CDH1: variants seen among roughly 807,000 people sequenced by gnomAD.
CDH1 encodes cadherin-1.
CDH1 carries 35 observed loss-of-function variants against 84.5 expected under a neutral mutation model. That is an observed-to-expected ratio of 0.41 (90% confidence interval 0.32 to 0.55). The LOEUF (loss-of-function observed/expected upper bound fraction) is 0.55, where lower values mean the gene tolerates loss of function less well. Among genes scored for constraint, CDH1 ranks in the 20% least tolerant of loss-of-function variants. The pLI is 0.19. For synonymous variants in CDH1, 417 were observed against 439.0 expected (o/e 0.95, Z 0.63); for missense variants, 994 against 1,126.6 (o/e 0.88, Z 1.68).
chr16:68,770,848 G>T (rs1397012925), intron 2 of CDH1: 2 of 152,144 alleles, frequency 1.3e-5, no homozygotes, highest in East Asian at 2.0e-4. Flanking sequence ...GAGATAAGCT[G>T]GGAGGGGAAG....
chr16:68,766,738 C>CTT (rs11426768), intron 2 of CDH1, among the ~76,000 whole-genome samples: 24 of 150,412 alleles, frequency 1.6e-4, no homozygotes, highest in African/African-American at 2.9e-4. Context: ...CTAGAACCCC[C>CTT]TTTTTTTTTG....
At chr16:68,737,683 C>G (rs1020996593) in intron 1 of CDH1, among the ~76,000 whole-genome samples, 26 of 152,150 alleles carry the variant, frequency 1.7e-4, no homozygotes, top group Non-Finnish European at 3.7e-4. Context: ...CCTGCCCCCT[C>G]CAGCGCAGAC....
chr16:68,829,878 CT>C, intron 15 of CDH1, 81 bp downstream of exon 15: 1 of 1,386,538 alleles, frequency 7.2e-7, no homozygotes, highest in Non-Finnish European at 1.0e-6. Flanking sequence ...GAAAAAGAGT[CT>C]TTAGATTCTT....
intron 1 of CDH1, 124 bp downstream of exon 1, chr16:68,737,587 G>A: frequency 3.3e-6 from 3 of 903,752 alleles, no homozygotes; most frequent in South Asian, 3.0e-5. Context: ...GGGTCCTGAG[G>A]AGCGGAGCGG....
chr16:68,741,899 G>C (rs993265750), intron 2 of CDH1, among the ~76,000 whole-genome samples: 3 of 152,180 alleles, frequency 2.0e-5, no homozygotes, highest in African/African-American at 7.2e-5. Context: ...TCAAACTCCT[G>C]ACCTCAGGTG....
rs557788826 is a variant in CDH1 at position 68,756,283 on chromosome 16, T to C, written c.163+17872T>C. ...GAAAAAGGGAACAAGATGACCAACT[T>C]GTTGGTGGGGAGAGTTGTGGCTTTC... On this transcript the variant is annotated intron_variant, in intron 2 of 15. Coordinates refer to ENST00000261769, the MANE Select transcript of CDH1 (RefSeq NM_004360.5). Among the ~76,000 whole-genome samples the C allele has an allele frequency of 3.9e-5, 6 of 152,110 alleles. 1 individual carries two copies. Among genetic ancestry groups the C allele is most frequent in the African/African-American group, 1.2e-4 (5 of 41,498 alleles).
chr16:68,809,295 G>A (rs946943576), intron 5 of CDH1, among the ~76,000 whole-genome samples: 1 of 147,630 alleles, frequency 6.8e-6, no homozygotes, highest in African/African-American at 2.6e-5. Flanking sequence ...TCCACTTCCC[G>A]GGTTCAAGTG....
intron 2 of CDH1, among the ~76,000 whole-genome samples, chr16:68,797,663 G>A (rs1263486629): frequency 6.6e-6 from 1 of 152,222 alleles, no homozygotes; most frequent in Non-Finnish European, 1.5e-5. Flanking sequence ...CTAGGTGACA[G>A]AGACCTGTCT....
At chr16:68,797,035 TG>T (rs1960381130) in intron 2 of CDH1, among the ~76,000 whole-genome samples, 1 of 152,152 alleles carries the variant, frequency 6.6e-6, no homozygotes, top group African/African-American at 2.4e-5. Flanking sequence ...TAGCTGGGTG[TG>T]GCAGCACATG....
At chr16:68,771,613 G>T (rs988155179) in intron 2 of CDH1, among the ~76,000 whole-genome samples, 1 of 152,028 alleles carries the variant, frequency 6.6e-6, no homozygotes, top group East Asian at 1.9e-4. Context: ...TTAGCTGGGC[G>T]TGGTGGCGCA....
chr16:68,775,125 CAAAA>C (rs58497601), intron 2 of CDH1, among the ~76,000 whole-genome samples: 3 of 108,148 alleles, frequency 2.8e-5, no homozygotes, highest in Non-Finnish European at 4.1e-5. Context: ...GGCCCTGTCT[CAAAA>C]AAAAAAAAAA....
chr16:68,803,988 G>A (rs550351607), intron 3 of CDH1, among the ~76,000 whole-genome samples: 35 of 151,886 alleles, frequency 2.3e-4, no homozygotes, highest in East Asian at 1.7e-3. Flanking sequence ...CCCAGATGGC[G>A]GCTGGAGCTC....
chr16:68,747,023 G>C (rs1962762799), intron 2 of CDH1, among the ~76,000 whole-genome samples: 1 of 152,112 alleles, frequency 6.6e-6, no homozygotes, highest in Non-Finnish European at 1.5e-5. Flanking sequence ...AGTATCCAGT[G>C]CACCCAGGCC....
chr16:68,829,642 T>G lies in CDH1; in HGVS notation c.2296-12T>G. On this transcript the variant is annotated splice_polypyrimidine_tract_variant and intron_variant, in intron 14 of 15. Transcript: ENST00000261769. ...CTACTCTTCATTGTACTTCAACCTT[T>G]TTTCTCCAAAGGACTTTGACTTGAG... 1 of 1,614,056 alleles carries G rather than the reference T, an allele frequency of 6.2e-7. No homozygotes were observed. The highest frequency in any genetic ancestry group is 8.5e-7 in the Non-Finnish European group (1 of 1,179,972).
intron 2 of CDH1, among the ~76,000 whole-genome samples, chr16:68,744,144 A>G (rs922543957): frequency 6.6e-6 from 1 of 152,302 alleles, no homozygotes; most frequent in African/African-American, 2.4e-5. Context: ...ATCTTGGCCA[A>G]TATTTTTCCC....
At chr16:68,802,484 CT>C (rs200930381) in intron 3 of CDH1, among the ~76,000 whole-genome samples, 9 of 149,286 alleles carry the variant, frequency 6.0e-5, no homozygotes, top group Admixed American at 1.3e-4. Context: ...CTCTCTCTCT[CT>C]TTTTTTTTTA....
At chr16:68,815,442 A>C in intron 9 of CDH1, 73 bp from the exon 10 acceptor site, 1 of 1,590,928 alleles carries the variant, frequency 6.3e-7, no homozygotes, top group East Asian at 2.3e-5. Flanking sequence ...AGCAACAGTT[A>C]AGGATTTAAT....
intron 15 of CDH1, 132 bp downstream of exon 15, chr16:68,829,929 C>A (rs1274014006): frequency 3.5e-6 from 3 of 861,050 alleles, no homozygotes; most frequent in Admixed American, 5.2e-5. Context: ...CCCTGGAGCC[C>A]TGTTTTCCTT....
chr16:68,788,815 G>A (rs1266135786), intron 2 of CDH1, among the ~76,000 whole-genome samples: 2 of 151,996 alleles, frequency 1.3e-5, no homozygotes, highest in African/African-American at 4.8e-5. Flanking sequence ...TGACCAACAT[G>A]GAGAAACCCC....
Sources: gnomAD v4.1 joint callset for allele counts (sites outside exome capture counted in the v4.1 genomes callset) on GRCh38, gnomAD v4.1.1 for gene constraint, MANE v1.5 for transcripts, NCBI Gene and HGNC (gene_info 2026-07-23, HGNC 2026-07-21) for gene names.